SYT16: variants seen among roughly 807,000 people sequenced by gnomAD.
SYT16 encodes synaptotagmin 16.
A neutral mutation model predicts 61.4 loss-of-function variants in SYT16; 42 were observed. The observed-to-expected ratio is 0.68, with a 90% CI of 0.53 to 0.89. SYT16 has a LOEUF of 0.89. Among genes scored for constraint, SYT16 ranks in the 40% least tolerant of loss-of-function variants. SYT16 has a pLI of 0.00. For missense variants in SYT16, 804 were observed against 807.3 expected (o/e 1.00, Z 0.05); for synonymous variants, 314 against 302.3 (o/e 1.04, Z -0.40).
intron 1 of SYT16, among the ~76,000 whole-genome samples, chr14:61,876,740 A>C: frequency 6.6e-6 from 1 of 152,216 alleles, no homozygotes; most frequent in African/African-American, 2.4e-5. Context: ...GTGTGTGTGA[A>C]ATAGCATCGG....
intron 1 of SYT16, among the ~76,000 whole-genome samples, chr14:61,850,941 A>T (rs1279706587): frequency 6.6e-6 from 1 of 152,128 alleles, no homozygotes; most frequent in East Asian, 1.9e-4. Flanking sequence ...CATGTACAAG[A>T]TGTGCAGGTT....
At chr14:61,862,990 G>A (rs1272698490) in intron 1 of SYT16, among the ~76,000 whole-genome samples, 3 of 152,142 alleles carry the variant, frequency 2.0e-5, no homozygotes, top group African/African-American at 7.2e-5. Flanking sequence ...CTATTGTCTA[G>A]ATTCACCACA....
intron 1 of SYT16, among the ~76,000 whole-genome samples, chr14:61,929,587 C>T (rs754736966): frequency 2.0e-5 from 3 of 152,144 alleles, no homozygotes; most frequent in East Asian, 1.9e-4. Context: ...GCCTTTGATC[C>T]GTGAATTTAC....
At chr14:61,906,779 GTCCGTCCGTCCATCCATCCA>G (rs2048734942) in intron 1 of SYT16, among the ~76,000 whole-genome samples, 1 of 91,584 alleles carries the variant, frequency 1.1e-5, no homozygotes, top group East Asian at 3.3e-4. Context: ...CCATCCATCC[GTCCGTCCGTCCATCCATCCA>G]TCCATCCATC....
At chr14:61,817,419 C>CAAAAA (rs58438991) in intron 1 of SYT16, among the ~76,000 whole-genome samples, 1 of 82,584 alleles carries the variant, frequency 1.2e-5, no homozygotes, top group Non-Finnish European at 2.6e-5. Context: ...ACTCCATCTC[C>CAAAAA]AAAAAAAAAA....
intron 3 of SYT16, among the ~76,000 whole-genome samples, chr14:62,036,625 A>G (rs983871031): frequency 5.3e-5 from 8 of 152,166 alleles, no homozygotes; most frequent in Admixed American, 2.6e-4. Flanking sequence ...ATCATGGCAG[A>G]AGGCAAAGGA....
intron 1 of SYT16, among the ~76,000 whole-genome samples, chr14:61,854,404 C>A (rs541361822): frequency 6.6e-6 from 1 of 152,156 alleles, no homozygotes; most frequent in South Asian, 2.1e-4. Context: ...ACTAACTTTA[C>A]CTAGTTTTAA....
At chr14:61,835,250 ATTTTT>A (rs11378872) in intron 1 of SYT16, among the ~76,000 whole-genome samples, 2,139 of 110,768 alleles carry the variant, frequency 0.019, 44 homozygotes, top group African/African-American at 0.072. Context: ...TGAAAGGTGA[ATTTTT>A]TTTTTTTTTT....
At chr14:62,050,121 G>T (rs2055202795) in intron 3 of SYT16, among the ~76,000 whole-genome samples, 1 of 152,226 alleles carries the variant, frequency 6.6e-6, no homozygotes, top group South Asian at 2.1e-4. Flanking sequence ...GTCAGACATA[G>T]ATTTGGTCTT....
intron 1 of SYT16, among the ~76,000 whole-genome samples, chr14:61,849,138 G>T (rs994976877): frequency 1.3e-5 from 2 of 152,162 alleles, no homozygotes; most frequent in African/African-American, 4.8e-5. Context: ...GGGGCCTCCG[G>T]ACTCTGTCTT....
intron 1 of SYT16, among the ~76,000 whole-genome samples, chr14:61,818,857 G>A (rs1168468501): frequency 6.6e-6 from 1 of 152,094 alleles, no homozygotes; most frequent in Admixed American, 6.5e-5. Context: ...GCTTGTTCTT[G>A]TTTTGTTTGC....
intron 1 of SYT16, among the ~76,000 whole-genome samples, chr14:61,932,173 C>T (rs1413360711): frequency 1.3e-5 from 2 of 152,214 alleles, no homozygotes; most frequent in African/African-American, 4.8e-5. Flanking sequence ...TCTTACCATC[C>T]CTCCAGAGGA....
intron 1 of SYT16, among the ~76,000 whole-genome samples, chr14:61,861,826 A>G (rs915283030): frequency 9.2e-5 from 14 of 152,232 alleles, no homozygotes; most frequent in Admixed American, 8.5e-4. Flanking sequence ...TTCCTAGTGC[A>G]TATAAAAGTT....
chr14:62,058,595 C>G (rs1443554606), intron 3 of SYT16, among the ~76,000 whole-genome samples: 1 of 152,104 alleles, frequency 6.6e-6, no homozygotes, highest in African/African-American at 2.4e-5. Context: ...GACCTCTGAT[C>G]TTAGTTGATC....
At chr14:61,999,775 A>G (rs764028391) in intron 3 of SYT16, among the ~76,000 whole-genome samples, 3 of 151,676 alleles carry the variant, frequency 2.0e-5, no homozygotes, top group Non-Finnish European at 4.4e-5. Context: ...AATTAAAAAT[A>G]TTTTCTAATT....
rs1208801966 is a variant in SYT16 at position 62,075,397 on chromosome 14, T to C, written c.993+6T>C. On this transcript the variant is annotated splice_donor_region_variant and intron_variant, in intron 5 of 7. Coordinates refer to ENST00000683842, the MANE Select transcript of SYT16 (RefSeq NM_001367656.1). Reference sequence around the variant, plus strand: ...CCTCCATGTGGAGTCCAGAGGCAAGTTATTTGTTTTTCATTCTTTCATTGG... The same window carrying C: ...CCTCCATGTGGAGTCCAGAGGCAAGCTATTTGTTTTTCATTCTTTCATTGG... 1.9e-6 allele frequency: 3 copies of C among 1,590,176 alleles called. No individual in the cohort carries two copies. The highest frequency in any genetic ancestry group is 2.6e-6 in the Non-Finnish European group (3 of 1,161,728).
chr14:61,886,839 A>G (rs1442876185), intron 1 of SYT16, among the ~76,000 whole-genome samples: 1 of 149,024 alleles, frequency 6.7e-6, no homozygotes, highest in Non-Finnish European at 1.5e-5. Context: ...GCCTTATGAA[A>G]TGCATTTCTT....
intron 1 of SYT16, among the ~76,000 whole-genome samples, chr14:61,833,291 T>C (rs1177351368): frequency 6.9e-6 from 1 of 145,316 alleles, no homozygotes; most frequent in Non-Finnish European, 1.5e-5. Flanking sequence ...CTTTTTTTTC[T>C]TTTCTTTTTT....
chr14:61,842,249 G>A lies in SYT16; in HGVS notation c.-325+29439G>A, dbSNP rs369326122. ...TTATTAACTGTAGTTACCCTGTTGTGCTAGCAAATACTAGGACTTATGAAT... is the reference window on the plus strand; with the variant it reads ...TTATTAACTGTAGTTACCCTGTTGTACTAGCAAATACTAGGACTTATGAAT... On this transcript the variant is annotated intron_variant, in intron 1 of 7. Transcript: ENST00000683842. Among the ~76,000 whole-genome samples the A allele has an allele frequency of 2.0e-5, 3 of 152,176 alleles. No homozygotes were observed. In the East Asian group the frequency reaches 5.8e-4, roughly 29 times the overall value.
Sources: allele counts gnomAD v4.1 joint callset (sites outside exome capture counted in the v4.1 genomes callset), GRCh38; gene constraint gnomAD v4.1.1; transcripts MANE v1.5; gene names NCBI Gene and HGNC (gene_info 2026-07-23, HGNC 2026-07-21).